The following ARSF variants were observed in gnomAD, a reference collection of about 807,000 sequenced individuals.
The protein encoded by ARSF is arylsulfatase F.
In ARSF, 33 loss-of-function variants were observed where a neutral mutation model predicts 35.4. The ratio of observed to expected loss-of-function variants is 0.93; its 90% confidence interval spans 0.71 to 1.25. ARSF has a LOEUF of 1.25. Among genes scored for constraint, ARSF ranks in the 50% most tolerant of loss-of-function variants. ARSF has a pLI of 0.00. For synonymous variants in ARSF, 222 were observed against 193.1 expected, an observed-to-expected ratio of 1.15 and a Z score of -1.24; for missense variants, 501 against 480.2, an observed-to-expected ratio of 1.04 and a Z score of -0.40.
intron 1 of ARSF, among the ~76,000 whole-genome samples, chrX:3,064,581 A>G (rs1207688103): frequency 2.3e-4 from 26 of 112,127 alleles, no homozygotes; most frequent in Non-Finnish European, 2.1e-4. Context: ...TCCAAAATCT[A>G]CAAAGAACAT....
At chrX:3,065,718 A>C (rs1295200360) in intron 1 of ARSF, among the ~76,000 whole-genome samples, 2 of 110,112 alleles carry the variant, frequency 1.8e-5, no homozygotes, top group Non-Finnish European at 3.8e-5. Flanking sequence ...AACATATATT[A>C]TTTTGGTGTT....
At chrX:3,096,986 G>C (rs1444231622) in intron 7 of ARSF, among the ~76,000 whole-genome samples, 1 of 111,153 alleles carries the variant, frequency 9.0e-6, no homozygotes, top group Non-Finnish European at 1.9e-5. Context: ...GGAAGGCTAA[G>C]GACTGATGCC....
chrX:3,100,950 A>G (rs2090371820), intron 7 of ARSF, 137 bp from the exon 8 acceptor site: 17 of 573,489 alleles, frequency 3.0e-5, no homozygotes, highest in Non-Finnish European at 4.2e-5. Flanking sequence ...GTTAATGCAC[A>G]TTTCTTTTCT....
At chrX:3,068,248 A>T (rs747381241) in intron 2 of ARSF, 137 bp downstream of exon 2, 74 of 521,622 alleles carry the variant, frequency 1.4e-4, no homozygotes, top group Non-Finnish European at 2.1e-4. Flanking sequence ...TTTTCTTGTA[A>T]CCTACTATGA....
intron 3 of ARSF, among the ~76,000 whole-genome samples, chrX:3,073,311 T>A (rs1288263264): frequency 2.0e-5 from 2 of 101,292 alleles, no homozygotes; most frequent in Non-Finnish European, 3.9e-5. Context: ...CTATTCTAAG[T>A]TCTTTACACA....
chrX:3,096,920 T>C (rs919890676), intron 7 of ARSF, among the ~76,000 whole-genome samples: 5 of 110,764 alleles, frequency 4.5e-5, no homozygotes, highest in Non-Finnish European at 9.4e-5. Flanking sequence ...GATGAGGTCA[T>C]TGGGGGTGGG....
intron 5 of ARSF, 98 bp downstream of exon 5, chrX:3,081,111 C>A: frequency 1.8e-6 from 2 of 1,086,874 alleles, no homozygotes; most frequent in Non-Finnish European, 2.5e-6. Context: ...CTGTATTTTA[C>A]AATGTCTTAT....
intron 4 of ARSF, among the ~76,000 whole-genome samples, chrX:3,077,135 G>A (rs1036280443): frequency 7.1e-5 from 8 of 112,092 alleles, no homozygotes; most frequent in African/African-American, 2.6e-4. Flanking sequence ...CATCAAAATG[G>A]CTGCGCTTCT....
chrX:3,050,318 C>A (rs1603463979), intron 1 of ARSF, among the ~76,000 whole-genome samples: 1 of 109,600 alleles, frequency 9.1e-6, no homozygotes, highest in East Asian at 2.9e-4. Context: ...CCAAGGCAGG[C>A]GGATCATCTG....
intron 1 of ARSF, among the ~76,000 whole-genome samples, chrX:3,066,101 A>G (rs920934313): frequency 9.0e-5 from 10 of 111,439 alleles, no homozygotes; most frequent in African/African-American, 3.3e-4. Flanking sequence ...TAAACAAAAC[A>G]AAACAAAATC....
At chrX:3,071,316 T>A (rs912120793) in intron 2 of ARSF, among the ~76,000 whole-genome samples, 2 of 110,816 alleles carry the variant, frequency 1.8e-5, no homozygotes, top group Non-Finnish European at 3.8e-5. Context: ...GTTGTTGTTG[T>A]TGTTTTTGAT....
intron 7 of ARSF, among the ~76,000 whole-genome samples, chrX:3,091,901 G>A (rs1274628895): frequency 1.8e-5 from 2 of 110,409 alleles, no homozygotes; most frequent in Non-Finnish European, 3.8e-5. Flanking sequence ...ATGATCGATA[G>A]AAAGATAGAT....
chrX:3,057,559 C>A (rs979504515), intron 1 of ARSF, among the ~76,000 whole-genome samples: 3 of 111,641 alleles, frequency 2.7e-5, no homozygotes, highest in African/African-American at 9.8e-5. Flanking sequence ...CACGCCAATC[C>A]TGATTTCACC....
At position 3,046,362 on chromosome X, in the gene ARSF, T is replaced by C. The variant is rs775131802; in HGVS notation, c.-29+4699T>C. On this transcript the variant is annotated intron_variant, in intron 1 of 10. Transcript: ENST00000381127. The stretch of plus-strand genomic sequence containing the variant: ...CAGCTCTATTTTCCAGGCTGCTCTT[T>C]GTTAAAAAGAAATGATTTGGGGGCT... Among the ~76,000 whole-genome samples, 360 of 111,869 alleles carry C rather than the reference T, an allele frequency of 3.2e-3. 1 individual carries two copies. Among genetic ancestry groups the C allele is most frequent in the African/African-American group, 0.011 (345 of 30,879 alleles).
rs1445018778 is a variant in ARSF, at chrX:3,041,478, A to G, written c.-214A>G. The G allele has an allele frequency of 9.1e-6, 1 of 109,429 alleles. No homozygotes were observed. 9.0% of individuals were successfully genotyped at this position (109,429 alleles called of 1,213,427 possible). A position where few individuals can be genotyped will look rare whatever the true frequency, so the allele number is the denominator to read the frequency against. On this transcript the variant is annotated 5_prime_UTR_variant, in exon 1 of 11. Transcript: ENST00000381127. ...CGTAATTTTTGTATTTTTAGTGGAG[A>G]CAGGCTCTCACCATGTTGACCAGGC...
intron 7 of ARSF, among the ~76,000 whole-genome samples, chrX:3,092,639 A>C (rs906101154): frequency 8.9e-6 from 1 of 112,146 alleles, no homozygotes; most frequent in Non-Finnish European, 1.9e-5. Context: ...TGTACATGAT[A>C]CTGGTGCCCA....
At chrX:3,055,377 C>T (rs1470501693) in intron 1 of ARSF, among the ~76,000 whole-genome samples, 1 of 104,945 alleles carries the variant, frequency 9.5e-6, no homozygotes, top group Non-Finnish European at 1.9e-5. Context: ...CTAATATTGT[C>T]CCCAATTCCT....
chrX:3,103,827 A>G lies in ARSF; in HGVS notation c.1168A>G (p.Lys390Glu). 2.5e-6 allele frequency: 3 copies of G among 1,211,846 alleles called. No individual in the cohort carries two copies. The South Asian group carries it at 5.3e-5, about 21-fold the overall frequency. Residue 390 changes from lysine to glutamate, a missense_variant, in exon 9 of 11, where the codon AAG (lysine) becomes GAG (glutamate). Transcript: ENST00000381127. Reference sequence around the variant, plus strand: ...CCCAGGAATTGTCCGATGGCCTGGAAAGGTACCAGCTGGACGGTTGATTAA... The same window carrying G: ...CCCAGGAATTGTCCGATGGCCTGGAGAGGTACCAGCTGGACGGTTGATTAA... Reference protein sequence around the residue: ...RVPGIVRWPGKVPAGRLIKEP... With the variant: ...RVPGIVRWPGEVPAGRLIKEP...
At chrX:3,092,216 CATAG>C (rs2090298659) in intron 7 of ARSF, among the ~76,000 whole-genome samples, 1 of 109,108 alleles carries the variant, frequency 9.2e-6, no homozygotes, top group Non-Finnish European at 1.9e-5. Context: ...TACATAGATA[CATAG>C]ATAGATAGAT....
Sources: gnomAD v4.1 joint callset for allele counts (sites outside exome capture counted in the v4.1 genomes callset) on GRCh38, gnomAD v4.1.1 for gene constraint, MANE v1.5 for transcripts, NCBI Gene and HGNC (gene_info 2026-07-23, HGNC 2026-07-21) for gene names.